Variants in TMED10 observed in about 807,000 individuals in gnomAD.
TMED10 encodes the protein transmembrane emp24 domain-containing protein 10.
In TMED10, 7 loss-of-function variants were observed where a neutral mutation model predicts 23.1. The ratio of observed to expected loss-of-function variants is 0.30; its 90% CI spans 0.17 to 0.57. TMED10 has a LOEUF of 0.57. Among genes scored for constraint, TMED10 ranks in the 20% least tolerant of loss-of-function variants. TMED10 has a pLI of 0.91. For missense variants in TMED10, 162 were observed against 274.8 expected (o/e 0.59, Z 2.90); for synonymous variants, 113 against 106.9 (o/e 1.06, Z -0.35).
intron 1 of TMED10, among the ~76,000 whole-genome samples, chr14:75,167,552 T>C (rs1896180547): frequency 6.6e-6 from 1 of 152,016 alleles, no homozygotes; most frequent in Non-Finnish European, 1.5e-5. Flanking sequence ...AAGCCAATAG[T>C]TTCCCAACTG....
intron 1 of TMED10, among the ~76,000 whole-genome samples, chr14:75,165,079 A>G (rs1242212144): frequency 6.6e-6 from 1 of 152,152 alleles, no homozygotes; most frequent in African/African-American, 2.4e-5. Flanking sequence ...GAGGTTGCAT[A>G]TATAATTATC....
intron 1 of TMED10, among the ~76,000 whole-genome samples, chr14:75,174,901 G>A (rs1479042415): frequency 6.6e-6 from 1 of 151,916 alleles, no homozygotes; most frequent in East Asian, 1.9e-4. Flanking sequence ...TTAGCTGGGT[G>A]TGGTGGCTGG....
At chr14:75,174,932 C>T (rs1476390731) in intron 1 of TMED10, among the ~76,000 whole-genome samples, 6 of 149,186 alleles carry the variant, frequency 4.0e-5, no homozygotes, top group East Asian at 3.9e-4. Flanking sequence ...CCTAGCTACT[C>T]GGAAGGCTGA....
chr14:75,169,969 T>G (rs1443145764), intron 1 of TMED10, among the ~76,000 whole-genome samples: 1 of 152,128 alleles, frequency 6.6e-6, no homozygotes, highest in African/African-American at 2.4e-5. Context: ...GGCTCATGCC[T>G]GTAATCCCAG....
chr14:75,176,605 A>G lies in TMED10; in HGVS notation c.-26T>C, dbSNP rs1167115577. 1 of 1,612,954 alleles carries G rather than the reference A, an allele frequency of 6.2e-7. No homozygotes were observed. Among genetic ancestry groups the G allele is most frequent in the East Asian group, 2.2e-5 (1 of 44,858 alleles). ...GGTGCTGGAGACTCGTTCACCACCG[A>G]AGGCCTCAACCGCGCCGGAACCGGG... On this transcript the variant is annotated 5_prime_UTR_variant, in exon 1 of 5. Coordinates refer to ENST00000303575, the MANE Select transcript of TMED10 (RefSeq NM_006827.6).
intron 2 of TMED10, among the ~76,000 whole-genome samples, chr14:75,149,716 G>T (rs1319275935): frequency 6.6e-6 from 1 of 152,192 alleles, no homozygotes; most frequent in African/African-American, 2.4e-5. Context: ...ACACCTAAAG[G>T]CAGGACTTAG....
intron 1 of TMED10, among the ~76,000 whole-genome samples, chr14:75,170,644 C>CT (rs1400584415): frequency 1.3e-5 from 2 of 152,172 alleles, no homozygotes; most frequent in African/African-American, 2.4e-5. Flanking sequence ...CAGTAAAATA[C>CT]TTTAAAAAAA....
intron 3 of TMED10, among the ~76,000 whole-genome samples, chr14:75,142,766 A>C (rs539746731): frequency 6.6e-6 from 1 of 152,348 alleles, no homozygotes; most frequent in South Asian, 2.1e-4. Context: ...TTCTTCAAAG[A>C]AGCCAACTTT....
At chr14:75,148,008 T>C in intron 2 of TMED10, 1 of 523,644 alleles carries the variant, frequency 1.9e-6, no homozygotes. Context: ...CACAAGATAC[T>C]GCAACTGGTA....
chr14:75,155,903 G>T (rs1028736647), intron 1 of TMED10, among the ~76,000 whole-genome samples: 2 of 152,180 alleles, frequency 1.3e-5, no homozygotes, highest in African/African-American at 4.8e-5. Flanking sequence ...TGCTTTATAA[G>T]CATTTTAAAT....
intron 1 of TMED10, among the ~76,000 whole-genome samples, chr14:75,168,368 A>G (rs1415511462): frequency 6.6e-6 from 1 of 152,232 alleles, no homozygotes; most frequent in Non-Finnish European, 1.5e-5. Context: ...TATTTGTTGA[A>G]TGAATGAAAG....
chr14:75,141,113 T>C (rs932312430), intron 3 of TMED10, among the ~76,000 whole-genome samples: 4 of 152,206 alleles, frequency 2.6e-5, no homozygotes, highest in Non-Finnish European at 5.9e-5. Context: ...ATATATGGCT[T>C]TATGTAGTAA....
At chr14:75,154,853 C>T (rs1005974552) in intron 1 of TMED10, among the ~76,000 whole-genome samples, 3 of 151,082 alleles carry the variant, frequency 2.0e-5, no homozygotes, top group Non-Finnish European at 4.4e-5. Flanking sequence ...TTGGTAGAGA[C>T]GGGGTTTCAC....
Position 75,157,872 on chromosome 14 carries a change from G to A in TMED10, c.226-5729C>T, listed in dbSNP as rs761244646. 4.6e-5 allele frequency among the ~76,000 whole-genome samples: 7 copies of A among 151,322 alleles called. No individual in the cohort carries two copies. The South Asian group carries it at 8.4e-4, about 18-fold the overall frequency. On this transcript the variant is annotated intron_variant, in intron 1 of 4. Coordinates refer to ENST00000303575, the MANE Select transcript of TMED10 (RefSeq NM_006827.6). The stretch of plus-strand genomic sequence containing the variant: ...GGAGAATTGCTTGAACCTGGGAGGC[G>A]GAGGCTGCAGTGAGCTGAGATCGCA...
At position 75,134,828 on chromosome 14, in the gene TMED10, TC is replaced by T; in HGVS notation, c.*56del. Reference sequence around the variant, plus strand: ...GGTAGGATGCCTTAGGCCAGGCACGTCCCAGCGATGTTCTGCTGGCTGAGGT... The same window carrying T: ...GGTAGGATGCCTTAGGCCAGGCACGTCCAGCGATGTTCTGCTGGCTGAGGT... On this transcript the variant is annotated 3_prime_UTR_variant, in exon 5 of 5. Coordinates refer to ENST00000303575, the MANE Select transcript of TMED10 (RefSeq NM_006827.6). 6.2e-7 allele frequency: 1 copy of T among 1,608,668 alleles called. No individual in the cohort carries two copies. The highest frequency in any genetic ancestry group is 1.3e-5 in the African/African-American group (1 of 74,932).
At position 75,170,287 on chromosome 14, in the gene TMED10, A is replaced by T. The variant is rs564710313; in HGVS notation, c.225+6068T>A. ...ACCATGAAAAAGACTGAAAGCCGCTATGGGCTGCATCTGCTCACAAATGTG... is the reference window on the plus strand; with the variant it reads ...ACCATGAAAAAGACTGAAAGCCGCTTTGGGCTGCATCTGCTCACAAATGTG... On this transcript the variant is annotated intron_variant, in intron 1 of 4. Coordinates refer to ENST00000303575, the MANE Select transcript of TMED10 (RefSeq NM_006827.6). 1.4e-4 allele frequency among the ~76,000 whole-genome samples: 22 copies of T among 152,126 alleles called. 1 individual carries two copies. The highest frequency in any genetic ancestry group is 3.1e-4 in the Non-Finnish European group (21 of 68,020).
At chr14:75,135,492 T>G (rs1353107349) in intron 4 of TMED10, among the ~76,000 whole-genome samples, 2 of 152,132 alleles carry the variant, frequency 1.3e-5, no homozygotes, top group Non-Finnish European at 2.9e-5. Flanking sequence ...ATATAAATGT[T>G]GAAAATTACA....
chr14:75,176,349 C>A lies in TMED10; in HGVS notation c.225+6G>T, dbSNP rs1896305509. The A allele has an allele frequency of 2.5e-6, 4 of 1,614,006 alleles. No homozygotes were observed. The highest frequency in any genetic ancestry group is 3.4e-6 in the Non-Finnish European group (4 of 1,179,940). ...CCTCCCGGCCCCACGTCGCCCAATGCCGCACCTTGAGGTGGCTGCGCAGGC... is the reference window on the plus strand; with the variant it reads ...CCTCCCGGCCCCACGTCGCCCAATGACGCACCTTGAGGTGGCTGCGCAGGC... On this transcript the variant is annotated splice_donor_region_variant and intron_variant, in intron 1 of 4. Coordinates refer to ENST00000303575, the MANE Select transcript of TMED10 (RefSeq NM_006827.6).
intron 1 of TMED10, among the ~76,000 whole-genome samples, chr14:75,167,234 C>T (rs1896176173): frequency 1.3e-5 from 2 of 152,098 alleles, no homozygotes; most frequent in South Asian, 4.1e-4. Context: ...GCCACCACGC[C>T]CAGCCGAAGC....
Sources: allele counts gnomAD v4.1 joint callset (sites outside exome capture counted in the v4.1 genomes callset), GRCh38; gene constraint gnomAD v4.1.1; transcripts MANE v1.5; gene names NCBI Gene and HGNC (gene_info 2026-07-23, HGNC 2026-07-21).